ZNF300: variants seen among roughly 807,000 people sequenced by gnomAD.
ZNF300 encodes zinc finger protein 300, also known as kruppel-like zinc finger protein.
ZNF300 carries 6 observed loss-of-function variants against 13.9 expected under a neutral mutation model. The observed-to-expected ratio is 0.43, with a 90% confidence interval of 0.24 to 0.85. The LOEUF (loss-of-function observed/expected upper bound fraction) is 0.85. Ranked by LOEUF, ZNF300 falls within the 40% of genes least tolerant of loss-of-function variation. The pLI is 0.25. For missense variants in ZNF300, 662 were observed against 714.2 expected, an observed-to-expected ratio of 0.93 and a Z score of 0.83; for synonymous variants, 237 against 242.2, an observed-to-expected ratio of 0.98 and a Z score of 0.20.
At chr5:150,899,627 A>G (rs1754923691) in intron 3 of ZNF300, among the ~76,000 whole-genome samples, 1 of 152,112 alleles carries the variant, frequency 6.6e-6, no homozygotes, top group African/African-American at 2.4e-5. Flanking sequence ...TAAACTCAAC[A>G]AAAATGTACA....
At position 150,902,885 on chromosome 5, in the gene ZNF300, A is replaced by T. The variant is rs971487586; in HGVS notation, c.15+256T>A. Reference sequence around the variant, plus strand: ...CTAGAAACATTTTCTTAACATGGGAAATTTATCTTTCTCTTTAGGGAAATG... The same window carrying T: ...CTAGAAACATTTTCTTAACATGGGATATTTATCTTTCTCTTTAGGGAAATG... On this transcript the variant is annotated intron_variant, in intron 3 of 5. Transcript: ENST00000274599. Among the ~76,000 whole-genome samples the T allele has an allele frequency of 4.7e-4, 71 of 152,340 alleles. 1 individual carries two copies. The highest frequency in any genetic ancestry group is 3.4e-3 in the Middle Eastern group (1 of 294).
Position 150,896,290 on chromosome 5 carries a change from T to G in ZNF300, c.949A>C (p.Arg317=). ...SEKFHLVVHQ[R]THTGEKPYDC... is the part of the protein sequence containing the mutation. The stretch of plus-strand genomic sequence containing the variant: ...TAAGGTTTCTCCCCAGTATGAGTTC[T>G]CTGATGTACAACAAGATGAAACTTC... Residue 317 remains arginine, a synonymous_variant, in exon 6 of 6, where the codon AGA becomes CGA. Coordinates refer to ENST00000274599, the MANE Select transcript of ZNF300 (RefSeq NM_052860.4). 6.2e-7 allele frequency: 1 copy of G among 1,613,728 alleles called. No homozygotes were observed. The highest frequency in any genetic ancestry group is 8.5e-7 in the Non-Finnish European group (1 of 1,179,814).
Position 150,898,549 on chromosome 5 carries a change from T to C in ZNF300, c.21A>G (p.Leu7=). Residue 7 remains leucine (L), a synonymous_variant, in exon 4 of 6, where the codon TTA becomes TTG. Transcript: ENST00000274599. The stretch of plus-strand genomic sequence containing the variant: ...CCACAGCCACATCCTTGAATGATAC[T>C]AACCCCTGTAATAGTAAATTCCTGT... The part of the protein sequence containing the change: MMKSQG[L]VSFKDVAVDF... 2.5e-6 allele frequency: 4 copies of C among 1,600,838 alleles called. No homozygotes were observed. Among genetic ancestry groups the C allele is most frequent in the Non-Finnish European group, 3.4e-6 (4 of 1,173,162 alleles).
In ZNF300 at chr5:150,894,630, T is replaced by G. The variant is rs531058943; in HGVS notation, c.*794A>C. ...TGCTTCAAGATAGAGAGTAAAGATT[T>G]AAAAAGTACTAATATTAACTGAAAA... On this transcript the variant is annotated 3_prime_UTR_variant, in exon 6 of 6. Coordinates refer to ENST00000274599, the MANE Select transcript of ZNF300 (RefSeq NM_052860.4). 2 of 152,382 alleles carry G rather than the reference T, an allele frequency of 1.3e-5. No homozygotes were observed. The highest frequency in any genetic ancestry group is 4.8e-5 in the African/African-American group (2 of 41,572). The allele number at this position is 152,382 out of a possible 1,614,324, so 9.4% of individuals were successfully genotyped here.
intron 5 of ZNF300, chr5:150,897,177 A>T: frequency 2.3e-6 from 1 of 438,610 alleles, no homozygotes; most frequent in Admixed American, 3.9e-5. Flanking sequence ...TCATGTAAAA[A>T]CTAAACTTAA....
In ZNF300 at chr5:150,895,965, A is replaced by C; in HGVS notation, c.1274T>G (p.Ile425Ser). 6.2e-7 allele frequency: 1 copy of C among 1,613,286 alleles called. No individual in the cohort carries two copies. The highest frequency in any genetic ancestry group is 8.5e-7 in the Non-Finnish European group (1 of 1,179,722). Residue 425 changes from isoleucine to serine, a missense_variant, in exon 6 of 6, where the codon ATT becomes AGT. Physicochemically the swap from Ile to Ser is moderately radical, Grantham distance 142 (BLOSUM62 -2). Coordinates refer to ENST00000274599, the MANE Select transcript of ZNF300 (RefSeq NM_052860.4). ...ACCAGTGTGAATTCTTTTATGTATA[A>C]TGAGGTGGGACTTCTCACAGAAGGC... The part of the protein sequence containing the change: ...GKAFCEKSHL[I>S]IHKRIHTGEK...
rs756257814 is a variant in ZNF300, at chr5:150,895,538, A to G, written c.1701T>C (p.His567=). 5 of 1,613,598 alleles carry G rather than the reference A, an allele frequency of 3.1e-6. No homozygotes were observed. The highest frequency in any genetic ancestry group is 4.2e-6 in the Non-Finnish European group (5 of 1,179,766). ...GTCTTTCCCCAGTATGAATCCTCTG[A>G]TGTAAAACAAGGTCTGACTTCTGAG... ...AFSQKSDLVL[H]QRIHTGERPY... The change falls in exon 6 of 6, where the codon CAT becomes CAC. Residue 567 remains histidine, a synonymous_variant. Coordinates refer to ENST00000274599, the MANE Select transcript of ZNF300 (RefSeq NM_052860.4).
chr5:150,896,578 A>G lies in ZNF300; in HGVS notation c.661T>C (p.Ser221Pro), dbSNP rs1754791522. 6.2e-7 allele frequency: 1 copy of G among 1,613,540 alleles called. No homozygotes were observed. The highest frequency in any genetic ancestry group is 1.3e-5 in the African/African-American group (1 of 74,846). ...GAATTGGGCTCACTCTGGCTAGATG[A>G]TTTTCCACCTCCAAAACTCTGATCA... ...KPDQSFGGGK[S>P]SSQSEPNSNL... The change falls in exon 6 of 6, where the codon TCA becomes CCA. Residue 221 changes from serine (S) to proline (P), a missense_variant. Coordinates refer to ENST00000274599, the MANE Select transcript of ZNF300 (RefSeq NM_052860.4).
intron 5 of ZNF300, 40 bp from the exon 6 acceptor site, chr5:150,897,013 A>G (rs1456674867): frequency 1.3e-6 from 2 of 1,493,664 alleles, no homozygotes; most frequent in East Asian, 2.3e-5. Flanking sequence ...TCATCACAAG[A>G]GTCAATTAAG....
intron 3 of ZNF300, among the ~76,000 whole-genome samples, chr5:150,899,311 T>G (rs1754911316): frequency 6.6e-6 from 1 of 151,992 alleles, no homozygotes; most frequent in Non-Finnish European, 1.5e-5. Flanking sequence ...GGAATAAAAA[T>G]TTAAACTCTA....
At chr5:150,903,436 G>A in intron 2 of ZNF300, 1 of 1,340,154 alleles carries the variant, frequency 7.5e-7, no homozygotes, top group Non-Finnish European at 1.0e-6. Flanking sequence ...GGATAGATGT[G>A]AAGATATGTT....
At position 150,900,392 on chromosome 5, in the gene ZNF300, CAT is replaced by C. The variant is rs201522103; in HGVS notation, c.16-1840_16-1839del. On this transcript the variant is annotated intron_variant, in intron 3 of 5. Transcript: ENST00000274599. ...CTTCCTGTCCTCAGCCTACTTCCCT[CAT>C]GAGCCAAAGTTCAATAATCATTTAA... is the stretch of plus-strand genomic sequence containing the variant. Among the ~76,000 whole-genome samples, 666 of 152,154 alleles carry C rather than the reference CAT, an allele frequency of 4.4e-3. 5 individuals carry two copies. The highest frequency in any genetic ancestry group is 0.015 in the African/African-American group (625 of 41,534).
Position 150,896,357 on chromosome 5 carries a change from C to A in ZNF300, c.882G>T (p.Lys294Asn). The change falls in exon 6 of 6, where the codon AAG becomes AAT. Residue 294 changes from lysine to asparagine, a missense_variant. Lys to Asn is a moderately conservative substitution (Grantham distance 94). Transcript: ENST00000274599. ...LIVHQRIHTGKKPYDCGACGK... is the reference protein window; with the variant it reads ...LIVHQRIHTGNKPYDCGACGK... ...CGCATGCACCACAATCATATGGTTT[C>A]TTTCCAGTATGAATTCTTTGATGTA... 6.2e-7 allele frequency: 1 copy of A among 1,613,604 alleles called. No individual in the cohort carries two copies. Among genetic ancestry groups the A allele is most frequent in the Non-Finnish European group, 8.5e-7 (1 of 1,179,790 alleles).
At chr5:150,903,009 G>A (rs1203034919) in intron 3 of ZNF300, 132 bp downstream of exon 3, 5 of 926,098 alleles carry the variant, frequency 5.4e-6, no homozygotes, top group Admixed American at 2.3e-5. Flanking sequence ...ATATTACCTA[G>A]AAACTCTTTC....
chr5:150,898,131 G>A lies in ZNF300; in HGVS notation c.196C>T (p.Pro66Ser), dbSNP rs954741684. ...VISKLEQGEEPWIIKGDISNW... is the reference protein window; with the variant it reads ...VISKLEQGEESWIIKGDISNW... Reference sequence around the variant, plus strand: ...GATATGTCTCCCTTTATGATCCATGGCTCTTCTCCTTGTTCCAACTTGGAG... The same window carrying A: ...GATATGTCTCCCTTTATGATCCATGACTCTTCTCCTTGTTCCAACTTGGAG... The change falls in exon 5 of 6, where the codon CCA (proline) becomes TCA (serine). Residue 66 changes from proline (P) to serine (S), a missense_variant. Pro to Ser is a moderately conservative substitution (Grantham distance 74, BLOSUM62 -1). Transcript: ENST00000274599. 1.9e-6 allele frequency: 3 copies of A among 1,613,340 alleles called. No homozygotes were observed. The African/African-American group carries it at 4.0e-5, about 22-fold the overall frequency.
At chr5:150,897,037 A>C in intron 5 of ZNF300, 64 bp from the exon 6 acceptor site, 1 of 1,295,272 alleles carries the variant, frequency 7.7e-7, no homozygotes, top group Non-Finnish European at 1.1e-6. Context: ...GTAAAGAAGT[A>C]GAACAAATGG....
rs557746744 is a variant in ZNF300, at chr5:150,899,396, G to A, written c.16-842C>T. Reference sequence around the variant, plus strand: ...TAATTAATGATTATAGAGCAGAAATGCCCTTTGTAAGTACATTTTTTTTTA... The same window carrying A: ...TAATTAATGATTATAGAGCAGAAATACCCTTTGTAAGTACATTTTTTTTTA... On this transcript the variant is annotated intron_variant, in intron 3 of 5. Coordinates refer to ENST00000274599, the MANE Select transcript of ZNF300 (RefSeq NM_052860.4). Among the ~76,000 whole-genome samples the A allele has an allele frequency of 9.2e-5, 14 of 151,910 alleles. 1 individual carries two copies. In the South Asian group the frequency reaches 2.9e-3, roughly 32 times the overall value.
chr5:150,898,418 C>T lies in ZNF300; in HGVS notation c.142+10G>A, dbSNP rs1754874163. On this transcript the variant is annotated intron_variant, in intron 4 of 5. Coordinates refer to ENST00000274599, the MANE Select transcript of ZNF300 (RefSeq NM_052860.4). ...GACAACTCTGAGTTATTCAGGGAAG[C>T]CATCCTTACCCATTGAGACCAGGTG... is the stretch of plus-strand genomic sequence containing the variant. 2 of 1,613,376 alleles carry T rather than the reference C, an allele frequency of 1.2e-6. No individual in the cohort carries two copies. The highest frequency in any genetic ancestry group is 8.5e-7 in the Non-Finnish European group (1 of 1,179,576).
At chr5:150,901,824 T>C (rs1274837769) in intron 3 of ZNF300, among the ~76,000 whole-genome samples, 1 of 152,074 alleles carries the variant, frequency 6.6e-6, no homozygotes, top group East Asian at 1.9e-4. Flanking sequence ...TCTGATAAAA[T>C]AGTAAAGGAG....
Sources: allele counts gnomAD v4.1 joint callset (sites outside exome capture counted in the v4.1 genomes callset), GRCh38; gene constraint gnomAD v4.1.1; transcripts MANE v1.5; gene names NCBI Gene and HGNC (gene_info 2026-07-23, HGNC 2026-07-21).